Variants in RGS6 observed in about 807,000 individuals in gnomAD.
The protein encoded by RGS6 is regulator of G protein signaling 6.
In RGS6, 30 loss-of-function variants were observed where a neutral mutation model predicts 78.5. That is an observed-to-expected ratio of 0.38 (90% CI 0.29 to 0.52). The LOEUF is 0.52. Among genes scored for constraint, RGS6 ranks in the 20% least tolerant of loss-of-function variants. The pLI is 0.85. For synonymous variants in RGS6, 206 were observed against 206.0 expected, an observed-to-expected ratio of 1.00 and a Z score of 0.00; for missense variants, 495 against 609.7, an observed-to-expected ratio of 0.81 and a Z score of 1.98.
chr14:71,962,037 C>T (rs1451049444), intron 1 of RGS6, among the ~76,000 whole-genome samples: 1 of 152,160 alleles, frequency 6.6e-6, no homozygotes, highest in African/African-American at 2.4e-5. Flanking sequence ...CATCTGTTGA[C>T]CTATGGACTA....
chr14:71,912,795 A>G, the RGS6 span, among the ~76,000 whole-genome samples: 1 of 151,866 alleles, frequency 6.6e-6, no homozygotes, highest in Non-Finnish European at 1.5e-5. Flanking sequence ...CTGCACACAA[A>G]CTGTCTCTGG....
chr14:72,416,718 C>G (rs906418920), intron 3 of RGS6, among the ~76,000 whole-genome samples: 1 of 152,154 alleles, frequency 6.6e-6, no homozygotes, highest in Non-Finnish European at 1.5e-5. Context: ...AAGTCAAACT[C>G]AGGAAGGAAC....
At chr14:71,994,917 A>G (rs1012732209) in intron 2 of RGS6, among the ~76,000 whole-genome samples, 2 of 152,146 alleles carry the variant, frequency 1.3e-5, no homozygotes, top group Admixed American at 1.3e-4. Context: ...GCCCCAAGAA[A>G]GTACCACAAG....
chr14:72,540,996 A>C, intron 17 of RGS6: 3 of 1,280,970 alleles, frequency 2.3e-6, no homozygotes, highest in Non-Finnish European at 3.1e-6. Context: ...TCCTCTTTCC[A>C]TGCTGGTCGG....
At chr14:72,555,504 A>AGTT (rs1222868616) in intron 17 of RGS6, among the ~76,000 whole-genome samples, 1 of 152,246 alleles carries the variant, frequency 6.6e-6, no homozygotes, top group African/African-American at 2.4e-5. Flanking sequence ...TTCTCAGGGA[A>AGTT]GTTGAGAAAA....
At chr14:72,117,551 T>G (rs1212173104) in intron 2 of RGS6, among the ~76,000 whole-genome samples, 1 of 152,124 alleles carries the variant, frequency 6.6e-6, no homozygotes, top group Admixed American at 6.5e-5. Context: ...CTCTTTTCTT[T>G]ATAGATGACC....
chr14:71,935,566 CTG>C (rs2088976983), intron 1 of RGS6, among the ~76,000 whole-genome samples: 1 of 152,072 alleles, frequency 6.6e-6, no homozygotes, highest in Admixed American at 6.6e-5. Flanking sequence ...CTTTCTTTTT[CTG>C]TTCTTTGAAA....
chr14:72,044,046 A>G (rs1376334267), intron 2 of RGS6, among the ~76,000 whole-genome samples: 1 of 152,074 alleles, frequency 6.6e-6, no homozygotes. Context: ...CTATTGAGCT[A>G]TCTTCAAGTT....
At chr14:71,892,611 G>A in the RGS6 span, among the ~76,000 whole-genome samples, 2 of 152,146 alleles carry the variant, frequency 1.3e-5, no homozygotes, top group Non-Finnish European at 2.9e-5. Flanking sequence ...ATTTCACACC[G>A]AGCTCTTCCA....
intron 2 of RGS6, among the ~76,000 whole-genome samples, chr14:72,342,051 T>C (rs1051882872): frequency 6.6e-6 from 1 of 152,180 alleles, no homozygotes; most frequent in Non-Finnish European, 1.5e-5. Context: ...TGAATATTTT[T>C]GTAGAAACTT....
chr14:72,225,798 T>C (rs965580639), intron 2 of RGS6, among the ~76,000 whole-genome samples: 7 of 152,264 alleles, frequency 4.6e-5, no homozygotes, highest in African/African-American at 1.7e-4. Flanking sequence ...TCTTCACTTA[T>C]ATCTTAAATA....
intron 2 of RGS6, among the ~76,000 whole-genome samples, chr14:72,132,178 C>A (rs1567273444): frequency 6.6e-6 from 1 of 152,052 alleles, no homozygotes; most frequent in Non-Finnish European, 1.5e-5. Context: ...CTTATCCAAT[C>A]ATTTAAATTA....
intron 13 of RGS6, among the ~76,000 whole-genome samples, chr14:72,496,702 T>C (rs1006107952): frequency 6.6e-6 from 1 of 152,238 alleles, no homozygotes; most frequent in Non-Finnish European, 1.5e-5. Flanking sequence ...CCAGGGGCAC[T>C]GTGAAAAACT....
At chr14:72,516,305 G>C (rs2096941976) in intron 14 of RGS6, among the ~76,000 whole-genome samples, 1 of 152,194 alleles carries the variant, frequency 6.6e-6, no homozygotes, top group Non-Finnish European at 1.5e-5. Context: ...AGTGGACAGA[G>C]AGCCCTACAG....
At chr14:72,195,991 C>T (rs981731569) in intron 2 of RGS6, among the ~76,000 whole-genome samples, 11 of 152,010 alleles carry the variant, frequency 7.2e-5, no homozygotes, top group African/African-American at 2.4e-4. Flanking sequence ...GTAACCTGTT[C>T]CATGTAAATA....
At chr14:72,102,614 T>G in intron 2 of RGS6, among the ~76,000 whole-genome samples, 1 of 152,192 alleles carries the variant, frequency 6.6e-6, no homozygotes, top group Non-Finnish European at 1.5e-5. Context: ...AGTCAAGATT[T>G]TAATTTAGCA....
At chr14:71,958,202 T>C (rs375995024) in intron 1 of RGS6, among the ~76,000 whole-genome samples, 1 of 152,200 alleles carries the variant, frequency 6.6e-6, no homozygotes, top group Non-Finnish European at 1.5e-5. Flanking sequence ...GGACCTACTA[T>C]GTTCCAGGCT....
At chr14:72,551,115 C>G (rs184258311) in intron 17 of RGS6, among the ~76,000 whole-genome samples, 2 of 152,260 alleles carry the variant, frequency 1.3e-5, no homozygotes, top group African/African-American at 2.4e-5. Context: ...GCTGGAGTTA[C>G]AAGTGTGAGC....
At chr14:72,443,788 C>A (rs926737191) in intron 3 of RGS6, among the ~76,000 whole-genome samples, 4 of 152,186 alleles carry the variant, frequency 2.6e-5, no homozygotes, top group African/African-American at 9.7e-5. Flanking sequence ...CTACTGGGCA[C>A]CTGACATTAG....
Sources: gnomAD v4.1 joint callset for allele counts (sites outside exome capture counted in the v4.1 genomes callset) on GRCh38, gnomAD v4.1.1 for gene constraint, MANE v1.5 for transcripts, NCBI Gene and HGNC (gene_info 2026-07-23, HGNC 2026-07-21) for gene names.